The following CAST variants were observed in gnomAD, a reference collection of about 807,000 sequenced individuals.
CAST encodes calpastatin, also known as MIR583 host.
Under a neutral mutation model 119.6 loss-of-function variants are expected in CAST, and 76 were observed. That is an observed-to-expected ratio of 0.64 (90% CI 0.53 to 0.77). CAST has a LOEUF of 0.77. Among genes scored for constraint, CAST ranks in the 30% least tolerant of loss-of-function variants. CAST has a pLI of 0.00. For missense variants in CAST, 953 were observed against 946.5 expected (o/e 1.01, Z -0.09); for synonymous variants, 319 against 331.6 (o/e 0.96, Z 0.41).
the CAST span, among the ~76,000 whole-genome samples, chr5:96,225,568 A>G: frequency 6.6e-6 from 1 of 152,176 alleles, no homozygotes; most frequent in Non-Finnish European, 1.5e-5. Flanking sequence ...AGGTAAAATT[A>G]TAGATATGTT....
the CAST span, among the ~76,000 whole-genome samples, chr5:96,386,222 T>C: frequency 2.6e-5 from 4 of 152,372 alleles, no homozygotes; most frequent in Admixed American, 1.3e-4. Flanking sequence ...TTCTGGATGC[T>C]AGGAGAAATC....
chr5:96,328,588 G>A, the CAST span, among the ~76,000 whole-genome samples: 1 of 152,086 alleles, frequency 6.6e-6, no homozygotes, highest in Admixed American at 6.6e-5. Flanking sequence ...TTTCTCACTC[G>A]CTCACTGCAA....
chr5:95,992,481 G>T, the CAST span, among the ~76,000 whole-genome samples: 1 of 151,650 alleles, frequency 6.6e-6, no homozygotes, highest in Non-Finnish European at 1.5e-5. Flanking sequence ...CAAACTGGGG[G>T]ACATTGCACA....
At chr5:96,348,689 A>G in the CAST span, among the ~76,000 whole-genome samples, 6 of 152,126 alleles carry the variant, frequency 3.9e-5, no homozygotes, top group Non-Finnish European at 8.8e-5. Context: ...AGTGTCTGAA[A>G]GAAAGGACAG....
chr5:96,399,890 C>T, the CAST span: 6 of 1,311,878 alleles, frequency 4.6e-6, no homozygotes, highest in South Asian at 7.3e-5. Flanking sequence ...GGCAGAATGG[C>T]AAACATAGTA....
chr5:96,228,453 G>A, the CAST span, among the ~76,000 whole-genome samples: 3 of 152,062 alleles, frequency 2.0e-5, no homozygotes, highest in Non-Finnish European at 4.4e-5. Flanking sequence ...CTCACTATCT[G>A]CCCCTGTTCT....
At chr5:96,059,044 A>C in the CAST span, among the ~76,000 whole-genome samples, 1 of 152,208 alleles carries the variant, frequency 6.6e-6, no homozygotes, top group South Asian at 2.1e-4. Flanking sequence ...GCTCTCCCTA[A>C]ACCTCCTGAG....
At chr5:96,086,877 A>G in the CAST span, among the ~76,000 whole-genome samples, 2 of 152,260 alleles carry the variant, frequency 1.3e-5, no homozygotes, top group Non-Finnish European at 2.9e-5. Flanking sequence ...ACTACTTAAA[A>G]TAAATTAATG....
intron 1 of CAST, among the ~76,000 whole-genome samples, chr5:96,638,838 A>T (rs1747915096): frequency 6.6e-6 from 1 of 152,230 alleles, no homozygotes; most frequent in Admixed American, 6.5e-5. Flanking sequence ...AACACAAATA[A>T]GTTGCAGAAC....
chr5:96,672,667 A>G (rs543107120), intron 1 of CAST, among the ~76,000 whole-genome samples: 3 of 136,468 alleles, frequency 2.2e-5, no homozygotes, highest in African/African-American at 2.8e-5. Flanking sequence ...AGATCGCACC[A>G]CTGCTCTCCA....
At chr5:96,684,373 T>C (rs1037683) in intron 2 of CAST, among the ~76,000 whole-genome samples, 8,295 of 152,238 alleles carry the variant, frequency 0.054, 567 homozygotes, top group East Asian at 0.21. Flanking sequence ...AGTCTCGTAT[T>C]GATGTCTACC....
the CAST span, among the ~76,000 whole-genome samples, chr5:96,017,492 G>A: frequency 6.6e-6 from 1 of 152,024 alleles, no homozygotes; most frequent in East Asian, 1.9e-4. Context: ...AACTTAACAG[G>A]CCCATTTTCA....
intron 1 of CAST, among the ~76,000 whole-genome samples, chr5:96,642,567 A>G (rs1388989518): frequency 6.8e-6 from 1 of 147,952 alleles, no homozygotes; most frequent in Non-Finnish European, 1.5e-5. Context: ...TTGAGACAAG[A>G]TTTTGCTCCT....
chr5:96,669,397 A>G (rs1396027080), intron 1 of CAST, among the ~76,000 whole-genome samples: 1 of 152,192 alleles, frequency 6.6e-6, no homozygotes. Context: ...ATTACTTCTC[A>G]GGGAATGTTT....
chr5:96,316,092 T>C, the CAST span, among the ~76,000 whole-genome samples: 1 of 152,252 alleles, frequency 6.6e-6, no homozygotes, highest in Non-Finnish European at 1.5e-5. Context: ...AATTAAATGC[T>C]TGTCTGTTTA....
chr5:96,344,974 T>C, the CAST span, among the ~76,000 whole-genome samples: 1 of 152,212 alleles, frequency 6.6e-6, no homozygotes, highest in Non-Finnish European at 1.5e-5. Context: ...GTCGAAGTCT[T>C]GCCTTGTTCC....
chr5:96,526,243 G>C (rs951928957), upstream of CAST, among the ~76,000 whole-genome samples: 2 of 152,188 alleles, frequency 1.3e-5, no homozygotes, highest in African/African-American at 4.8e-5. Flanking sequence ...CCAGGAAGCA[G>C]CCAGATGACT....
the CAST span, among the ~76,000 whole-genome samples, chr5:96,119,500 G>A: frequency 6.6e-6 from 1 of 152,238 alleles, no homozygotes; most frequent in Non-Finnish European, 1.5e-5. Context: ...TTGTTTGGAA[G>A]GTCTGGGGCT....
At position 96,741,350 on chromosome 5, in the gene CAST, G is replaced by T; in HGVS notation, c.1003G>T (p.Glu335Ter). 1.2e-6 allele frequency: 2 copies of T among 1,604,960 alleles called. No individual in the cohort carries two copies. The highest frequency in any genetic ancestry group is 2.2e-5 in the South Asian group (2 of 90,770). The change falls in exon 14 of 32, where the codon GAA (glutamate) becomes TAA (stop). Residue 335 changes from glutamate (E) to a stop codon, truncating the protein, a stop_gained. Transcript: ENST00000675179. LOFTEE classifies it high-confidence loss of function. ...GSPTAAGKKT[E>*]KEESTEVLKA... ...GCCTACAGCTGCTGGAAAGAAAACT[G>T]AAAAAGAGGTATTGTTTTTAGTGTT...
Sources: gnomAD v4.1 joint callset for allele counts (sites outside exome capture counted in the v4.1 genomes callset) on GRCh38, gnomAD v4.1.1 for gene constraint, MANE v1.5 for transcripts, NCBI Gene and HGNC (gene_info 2026-07-23, HGNC 2026-07-21) for gene names.